Variants in ADAMTSL3 observed in about 807,000 individuals in gnomAD.
The protein encoded by ADAMTSL3 is ADAMTS like 3, also known as ADAMTS-like protein 3.
A neutral mutation model predicts 201.7 loss-of-function variants in ADAMTSL3; 128 were observed. That is an observed-to-expected ratio of 0.63 (90% CI 0.55 to 0.73). The LOEUF is 0.73. Ranked by LOEUF, ADAMTSL3 falls within the 30% of genes least tolerant of loss-of-function variation. The pLI is 0.00. For synonymous variants in ADAMTSL3, 738 were observed against 748.4 expected (o/e 0.99, Z 0.23); for missense variants, 1,990 against 2,119.6 (o/e 0.94, Z 1.20).
At chr15:83,903,484 A>G (rs1009836019) in intron 15 of ADAMTSL3, among the ~76,000 whole-genome samples, 2 of 152,028 alleles carry the variant, frequency 1.3e-5, no homozygotes, top group African/African-American at 4.8e-5. Flanking sequence ...TCTCTCTTTC[A>G]TTCACCAGCA....
chr15:83,804,182 A>G (rs1397243018), intron 4 of ADAMTSL3, among the ~76,000 whole-genome samples: 1 of 152,130 alleles, frequency 6.6e-6, no homozygotes, highest in African/African-American at 2.4e-5. Context: ...AATTTCTAAC[A>G]AAGACTGTTG....
At chr15:83,824,999 T>C (rs1336249981) in intron 6 of ADAMTSL3, 1 of 152,206 alleles carries the variant, frequency 6.6e-6, no homozygotes, top group Non-Finnish European at 1.5e-5. Flanking sequence ...GTGAGCACAA[T>C]AGCTCATTTC....
At chr15:83,820,235 T>C (rs1437189126) in intron 6 of ADAMTSL3, among the ~76,000 whole-genome samples, 188 bp downstream of exon 6, 1 of 152,210 alleles carries the variant, frequency 6.6e-6, no homozygotes, top group Admixed American at 6.5e-5. Flanking sequence ...CAAATTGTAT[T>C]TGTATCCCAA....
intron 3 of ADAMTSL3, among the ~76,000 whole-genome samples, chr15:83,709,608 G>T (rs1185353932): frequency 2.0e-5 from 3 of 152,072 alleles, no homozygotes; most frequent in Non-Finnish European, 4.4e-5. Flanking sequence ...GGGATGGTGT[G>T]GTTGTTTTCC....
At chr15:83,681,524 T>C (rs931273942) in intron 2 of ADAMTSL3, among the ~76,000 whole-genome samples, 2 of 152,194 alleles carry the variant, frequency 1.3e-5, no homozygotes, top group African/African-American at 4.8e-5. Flanking sequence ...TTTAAGGTGA[T>C]CAAGAATGGA....
chr15:83,788,165 G>A (rs528156926), intron 4 of ADAMTSL3, among the ~76,000 whole-genome samples: 4 of 151,966 alleles, frequency 2.6e-5, no homozygotes, highest in Non-Finnish European at 4.4e-5. Context: ...TCAGAAAAAT[G>A]TCATCATTCT....
In ADAMTSL3 at chr15:83,818,980, AAAC is replaced by A. The variant is rs578086601; in HGVS notation, c.364-827_364-825del. The stretch of plus-strand genomic sequence containing the variant: ...ACGGGAGGAAAGACAGATGAATTAA[AAAC>A]AACGACAGGCCGGGCACTGTGGCTC... On this transcript the variant is annotated intron_variant, in intron 5 of 29. Transcript: ENST00000286744. 8.9e-4 allele frequency among the ~76,000 whole-genome samples: 136 copies of A among 152,306 alleles called. 1 individual carries two copies. Among genetic ancestry groups the A allele is most frequent in the African/African-American group, 3.2e-3 (131 of 41,576 alleles).
Position 83,897,920 on chromosome 15 carries a change from A to G in ADAMTSL3, c.1530A>G (p.Gly510=). Residue 510 remains glycine, a synonymous_variant, in exon 14 of 30, where the codon GGA becomes GGG. Transcript: ENST00000286744. ...YRVVLCINHR[G]EHVGGCNPQL... Reference sequence around the variant, plus strand: ...TTGTTCTGTGTATTAACCACCGCGGAGAGCATGTTGGGGGCTGCAATCCAC... The same window carrying G: ...TTGTTCTGTGTATTAACCACCGCGGGGAGCATGTTGGGGGCTGCAATCCAC... 1.2e-6 allele frequency: 2 copies of G among 1,613,900 alleles called. No homozygotes were observed. The highest frequency in any genetic ancestry group is 1.7e-6 in the Non-Finnish European group (2 of 1,179,862).
intron 5 of ADAMTSL3, among the ~76,000 whole-genome samples, chr15:83,811,721 G>A (rs1043748068): frequency 1.4e-4 from 21 of 152,208 alleles, no homozygotes; most frequent in African/African-American, 4.6e-4. Context: ...AGGTGGAGAA[G>A]CAAATGCTGC....
At chr15:83,701,450 G>T (rs559430669) in intron 2 of ADAMTSL3, among the ~76,000 whole-genome samples, 15 of 152,156 alleles carry the variant, frequency 9.9e-5, no homozygotes, top group Non-Finnish European at 2.1e-4. Context: ...TGTGATTTAT[G>T]TCCAGTGATT....
intron 3 of ADAMTSL3, among the ~76,000 whole-genome samples, 164 bp downstream of exon 3, chr15:83,704,672 G>T (rs981762787): frequency 3.9e-5 from 6 of 152,208 alleles, no homozygotes; most frequent in Non-Finnish European, 5.9e-5. Flanking sequence ...GATTGCCCAT[G>T]TTTGCATGTA....
chr15:83,721,736 T>C (rs1466520574), intron 3 of ADAMTSL3, among the ~76,000 whole-genome samples: 1 of 152,106 alleles, frequency 6.6e-6, no homozygotes, highest in East Asian at 1.9e-4. Context: ...GTGTTTTGTT[T>C]GTTTGTTTGT....
intron 19 of ADAMTSL3, among the ~76,000 whole-genome samples, chr15:83,943,642 A>G (rs2066604733): frequency 6.6e-6 from 1 of 152,252 alleles, no homozygotes. Flanking sequence ...ATTAAATCCC[A>G]ATAGCTGAAG....
intron 23 of ADAMTSL3, among the ~76,000 whole-genome samples, chr15:84,008,487 C>A (rs1294809837): frequency 6.6e-6 from 1 of 152,174 alleles, no homozygotes; most frequent in Non-Finnish European, 1.5e-5. Flanking sequence ...TTTGAGGAAA[C>A]CACTTTGTTT....
At chr15:83,989,084 A>T (rs973224146) in intron 22 of ADAMTSL3, among the ~76,000 whole-genome samples, 1 of 151,838 alleles carries the variant, frequency 6.6e-6, no homozygotes, top group Non-Finnish European at 1.5e-5. Context: ...GGGTTTCACC[A>T]TGTTAGCCAG....
At chr15:83,733,715 G>T (rs2062321630) in intron 3 of ADAMTSL3, among the ~76,000 whole-genome samples, 1 of 151,206 alleles carries the variant, frequency 6.6e-6, no homozygotes, top group African/African-American at 2.4e-5. Context: ...AATTTACAGG[G>T]AAATGACTTT....
rs74024548 is a variant in ADAMTSL3, at chr15:83,709,523, C to G, written c.189+5015C>G. ...TGGATATTGGTCACTGCACATGGTT[C>G]TTTTCATCGCTGAGTAAGTCAGTTT... On this transcript the variant is annotated intron_variant, in intron 3 of 29. Transcript: ENST00000286744. 6.3e-3 allele frequency among the ~76,000 whole-genome samples: 961 copies of G among 152,240 alleles called. 9 individuals carry two copies. Among genetic ancestry groups the G allele is most frequent in the African/African-American group, 0.021 (892 of 41,546 alleles).
intron 2 of ADAMTSL3, among the ~76,000 whole-genome samples, chr15:83,659,685 C>A (rs1179260650): frequency 1.3e-5 from 2 of 152,264 alleles, no homozygotes; most frequent in East Asian, 3.9e-4. Flanking sequence ...GCAAAAAGGA[C>A]TTGGCAGATG....
chr15:83,846,733 G>C (rs1427090562), intron 7 of ADAMTSL3, among the ~76,000 whole-genome samples: 1 of 152,208 alleles, frequency 6.6e-6, no homozygotes, highest in African/African-American at 2.4e-5. Context: ...CATGCCTTTG[G>C]TTAACGCCTC....
Sources: allele counts gnomAD v4.1 joint callset (sites outside exome capture counted in the v4.1 genomes callset), GRCh38; gene constraint gnomAD v4.1.1; transcripts MANE v1.5; gene names NCBI Gene and HGNC (gene_info 2026-07-23, HGNC 2026-07-21).